Variants in LPP observed in about 807,000 individuals in gnomAD.
LPP encodes LIM domain containing preferred translocation partner in lipoma.
Under a neutral mutation model 60.4 loss-of-function variants are expected in LPP, and 38 were observed. The observed-to-expected ratio is 0.63, with a 90% CI of 0.49 to 0.83. The LOEUF is 0.83. Ranked by LOEUF, LPP falls within the 40% of genes least tolerant of loss-of-function variation. The pLI, the probability that LPP is intolerant of heterozygous loss-of-function variation, is 0.00. For missense variants in LPP, 902 were observed against 783.6 expected, an observed-to-expected ratio of 1.15 and a Z score of -1.80; for synonymous variants, 328 against 290.8, an observed-to-expected ratio of 1.13 and a Z score of -1.30.
At chr3:188,536,039 A>G (rs10937352) in intron 6 of LPP, among the ~76,000 whole-genome samples, 70,622 of 136,934 alleles carry the variant, frequency 0.52, 17,870 homozygotes, top group East Asian at 0.92. Flanking sequence ...ATGGAGTTTC[A>G]GTCTTGTTGC....
chr3:188,683,882 C>T (rs117113429), intron 7 of LPP, among the ~76,000 whole-genome samples: 9 of 152,272 alleles, frequency 5.9e-5, no homozygotes, highest in East Asian at 1.9e-4. Context: ...ACAATTTACA[C>T]GTAGGCACAA....
intron 4 of LPP, among the ~76,000 whole-genome samples, chr3:188,442,785 A>G (rs916493378): frequency 2.6e-5 from 4 of 152,178 alleles, no homozygotes; most frequent in African/African-American, 4.8e-5. Context: ...GCCCTTAATT[A>G]CAGTCACTCC....
At chr3:188,801,407 A>C (rs867169315) in intron 9 of LPP, among the ~76,000 whole-genome samples, 5 of 152,210 alleles carry the variant, frequency 3.3e-5, no homozygotes, top group South Asian at 2.1e-4. Flanking sequence ...TATATTGAAA[A>C]CTAGAGGCAC....
chr3:188,558,075 T>G (rs1829893713), intron 6 of LPP, among the ~76,000 whole-genome samples: 1 of 152,130 alleles, frequency 6.6e-6, no homozygotes, highest in Non-Finnish European at 1.5e-5. Context: ...AAATAGTATC[T>G]CTACCTCAAC....
intron 2 of LPP, among the ~76,000 whole-genome samples, chr3:188,234,752 G>A (rs1174335169): frequency 6.6e-6 from 1 of 152,190 alleles, no homozygotes; most frequent in Non-Finnish European, 1.5e-5. Flanking sequence ...TGTCTTTGAG[G>A]TTGAGTGAGG....
At chr3:188,498,159 T>C (rs1461205785) in intron 5 of LPP, among the ~76,000 whole-genome samples, 2 of 152,144 alleles carry the variant, frequency 1.3e-5, no homozygotes, top group African/African-American at 4.8e-5. Context: ...TGTTCTTTTT[T>C]TTCCCCCCCA....
intron 8 of LPP, among the ~76,000 whole-genome samples, chr3:188,721,171 A>G (rs1037988322): frequency 6.6e-6 from 1 of 152,152 alleles, no homozygotes; most frequent in African/African-American, 2.4e-5. Flanking sequence ...CCTTCATGTC[A>G]ATAACATCTA....
chr3:188,463,830 T>C (rs1468321225), intron 4 of LPP, among the ~76,000 whole-genome samples: 2 of 152,284 alleles, frequency 1.3e-5, no homozygotes, highest in East Asian at 3.9e-4. Flanking sequence ...TAGGATCTCC[T>C]GAGAAACCCT....
chr3:188,436,193 C>T (rs1792250748), intron 4 of LPP, among the ~76,000 whole-genome samples: 1 of 152,118 alleles, frequency 6.6e-6, no homozygotes, highest in African/African-American at 2.4e-5. Flanking sequence ...TCACCTAGTA[C>T]CACTGACTAT....
intron 8 of LPP, among the ~76,000 whole-genome samples, chr3:188,725,007 G>A (rs573184095): frequency 1.3e-5 from 2 of 152,312 alleles, no homozygotes; most frequent in African/African-American, 2.4e-5. Flanking sequence ...GGCCGTCAGC[G>A]GCAGTGTCAA....
chr3:188,696,039 T>C (rs1045320524), intron 7 of LPP, among the ~76,000 whole-genome samples: 35 of 152,312 alleles, frequency 2.3e-4, no homozygotes, highest in African/African-American at 7.9e-4. Context: ...AATGATTTCA[T>C]GCATTGGACA....
At chr3:188,221,095 C>G (rs1560123147) in intron 1 of LPP, among the ~76,000 whole-genome samples, 1 of 152,200 alleles carries the variant, frequency 6.6e-6, no homozygotes, top group African/African-American at 2.4e-5. Flanking sequence ...ACATCCCTTT[C>G]CAGGCGTGTG....
intron 8 of LPP, among the ~76,000 whole-genome samples, chr3:188,731,372 C>T (rs1720415759): frequency 6.6e-6 from 1 of 152,098 alleles, no homozygotes; most frequent in African/African-American, 2.4e-5. Context: ...ACATGAAGCT[C>T]CTGGATTATC....
chr3:188,293,018 A>G (rs539677980), intron 2 of LPP, among the ~76,000 whole-genome samples: 1 of 152,206 alleles, frequency 6.6e-6, no homozygotes, highest in African/African-American at 2.4e-5. Context: ...AAATGAAATC[A>G]CCAGCATTAC....
At chr3:188,767,532 C>T (rs1162833125) in intron 9 of LPP, among the ~76,000 whole-genome samples, 1 of 152,126 alleles carries the variant, frequency 6.6e-6, no homozygotes, top group East Asian at 1.9e-4. Context: ...AATCCACATA[C>T]ACTGATCTAT....
intron 7 of LPP, among the ~76,000 whole-genome samples, chr3:188,704,818 G>T (rs1334776492): frequency 2.6e-5 from 4 of 151,674 alleles, no homozygotes; most frequent in Non-Finnish European, 5.9e-5. Flanking sequence ...TAGATTTTGA[G>T]ACTTGTCCAC....
intron 4 of LPP, among the ~76,000 whole-genome samples, chr3:188,479,088 C>T (rs934849305): frequency 3.9e-5 from 6 of 152,102 alleles, no homozygotes; most frequent in African/African-American, 1.4e-4. Flanking sequence ...ACCGTCTTTA[C>T]TTGAAACTTA....
Position 188,422,878 on chromosome 3 carries a change from TG to T in LPP, c.193+16566del, listed in dbSNP as rs1788173815. Among the ~76,000 whole-genome samples the T allele has an allele frequency of 3.4e-5, 5 of 149,010 alleles. 1 individual carries two copies. In the South Asian group the frequency reaches 1.1e-3, roughly 32 times the overall value. On this transcript the variant is annotated intron_variant, in intron 4 of 11. Transcript: ENST00000617246. ...GCTAATATAGAAGAGGTTACGCTAA[TG>T]TTCCTTACCATATTTTTCTTTTTGG...
chr3:188,430,799 C>T (rs1481518343), intron 4 of LPP, among the ~76,000 whole-genome samples: 1 of 152,038 alleles, frequency 6.6e-6, no homozygotes, highest in Admixed American at 6.6e-5. Context: ...TGCTTTACAC[C>T]ATCACTGATG....
Sources: gnomAD v4.1 joint callset for allele counts (sites outside exome capture counted in the v4.1 genomes callset) on GRCh38, gnomAD v4.1.1 for gene constraint, MANE v1.5 for transcripts, NCBI Gene and HGNC (gene_info 2026-07-23, HGNC 2026-07-21) for gene names.